The following PDE4D variants were observed in gnomAD, a reference collection of about 807,000 sequenced individuals.
PDE4D encodes the protein 3',5'-cyclic-AMP phosphodiesterase 4D.
Under a neutral mutation model 87.4 loss-of-function variants are expected in PDE4D, and 24 were observed. The ratio of observed to expected loss-of-function variants is 0.27; its 90% CI spans 0.20 to 0.39. The LOEUF (loss-of-function observed/expected upper bound fraction) is 0.39. PDE4D is among the 10% of genes least tolerant of loss of function. The pLI is 1.00. For synonymous variants in PDE4D, 384 were observed against 383.2 expected, an observed-to-expected ratio of 1.00 and a Z score of -0.02; for missense variants, 714 against 1,041.0, an observed-to-expected ratio of 0.69 and a Z score of 4.32.
intron 1 of PDE4D, among the ~76,000 whole-genome samples, chr5:60,370,552 T>A (rs1040876584): frequency 6.6e-6 from 1 of 152,222 alleles, no homozygotes; most frequent in African/African-American, 2.4e-5. Context: ...AATGCAAACC[T>A]GACCTTAATT....
rs1205337416 is a variant in PDE4D, at chr5:59,571,486, G to T, written c.455+321682C>A. Among the ~76,000 whole-genome samples the T allele has an allele frequency of 2.0e-5, 3 of 152,218 alleles. No homozygotes were observed. In the East Asian group the frequency reaches 5.8e-4, roughly 29 times the overall value. ...GAATGAAGATAGATTTTGGGGAGAG[G>T]TGGGGGAAAGTGGCCACAATCTTCA... On this transcript the variant is annotated intron_variant, in intron 1 of 14. Coordinates refer to ENST00000340635, the MANE Select transcript of PDE4D (RefSeq NM_001104631.2).
At chr5:60,092,914 G>A in intron 2 of PDE4D, among the ~76,000 whole-genome samples, 1 of 152,064 alleles carries the variant, frequency 6.6e-6, no homozygotes, top group Non-Finnish European at 1.5e-5. Context: ...ACTGCATCGG[G>A]GTGAGCCTAG....
chr5:60,012,854 C>T (rs1298490517), intron 2 of PDE4D, among the ~76,000 whole-genome samples: 1 of 152,146 alleles, frequency 6.6e-6, no homozygotes, highest in Non-Finnish European at 1.5e-5. Flanking sequence ...TTGCTGCCAT[C>T]GTATTCTAAC....
chr5:60,337,352 T>G (rs146575532), intron 1 of PDE4D, among the ~76,000 whole-genome samples: 1 of 28,140 alleles, frequency 3.6e-5, no homozygotes, highest in African/African-American at 9.5e-5. Context: ...ACAAACAAAC[T>G]ATATATATAT....
intron 1 of PDE4D, among the ~76,000 whole-genome samples, chr5:59,625,362 G>T (rs1830780490): frequency 6.6e-6 from 1 of 152,116 alleles, no homozygotes; most frequent in South Asian, 2.1e-4. Context: ...TCCAACAGTG[G>T]CAGTAATGAT....
intron 1 of PDE4D, among the ~76,000 whole-genome samples, chr5:59,498,864 C>G (rs1807717807): frequency 6.6e-6 from 1 of 151,940 alleles, no homozygotes; most frequent in African/African-American, 2.4e-5. Context: ...AAGCAATAGA[C>G]AGGCAAAAAA....
chr5:60,235,184 T>A (rs1231733825), intron 1 of PDE4D, among the ~76,000 whole-genome samples: 1 of 151,926 alleles, frequency 6.6e-6, no homozygotes, highest in Non-Finnish European at 1.5e-5. Flanking sequence ...CTTAGAGGGT[T>A]AAACTCCTAT....
intron 1 of PDE4D, among the ~76,000 whole-genome samples, chr5:60,296,275 C>T (rs964308490): frequency 1.5e-4 from 23 of 152,170 alleles, no homozygotes; most frequent in African/African-American, 5.3e-4. Flanking sequence ...ACTGCAATAG[C>T]ACCCTGGGGA....
At chr5:59,390,362 C>G (rs1787994590) in intron 1 of PDE4D, among the ~76,000 whole-genome samples, 1 of 152,076 alleles carries the variant, frequency 6.6e-6, no homozygotes, top group African/African-American at 2.4e-5. Flanking sequence ...TTCTTCACTA[C>G]TGTTTGATTT....
At chr5:60,489,262 A>G (rs2150232471), upstream of PDE4D, among the ~76,000 whole-genome samples, 1 of 152,344 alleles carries the variant, frequency 6.6e-6, no homozygotes, top group African/African-American at 2.4e-5. Flanking sequence ...CAACGAAGAA[A>G]AACTTTGGCA....
At chr5:59,191,151 A>G (rs1366726052) in intron 3 of PDE4D, among the ~76,000 whole-genome samples, 3 of 152,170 alleles carry the variant, frequency 2.0e-5, no homozygotes, top group East Asian at 3.9e-4. Context: ...TAAATTACAT[A>G]TATGTGTGTA....
rs1751008502 is a variant in PDE4D, at chr5:60,273,298, C to A, written c.-89-87611G>T. On this transcript the variant is annotated intron_variant, in intron 1 of 16. Transcript: ENST00000502484. The stretch of plus-strand genomic sequence containing the variant: ...AGGCAAATGGGAGAATGGAAAGACA[C>A]TCCAAGCAGAGGCATCACCTCTTCA... 2.0e-5 allele frequency among the ~76,000 whole-genome samples: 3 copies of A among 152,200 alleles called. No homozygotes were observed. The South Asian group carries it at 6.2e-4, about 32-fold the overall frequency.
intron 1 of PDE4D, among the ~76,000 whole-genome samples, chr5:59,865,781 T>C (rs1453458794): frequency 6.6e-6 from 1 of 152,236 alleles, no homozygotes; most frequent in East Asian, 1.9e-4. Context: ...TTCATGTACA[T>C]TATTTTAATC....
At chr5:59,025,024 CA>C (rs35260023) in intron 6 of PDE4D, among the ~76,000 whole-genome samples, 15,648 of 141,726 alleles carry the variant, frequency 0.11, 1,037 homozygotes, top group South Asian at 0.14. Context: ...CCAAAGTGGT[CA>C]AAAAAAAAAA....
intron 1 of PDE4D, among the ~76,000 whole-genome samples, chr5:60,459,075 G>A (rs1430675412): frequency 6.6e-6 from 1 of 152,018 alleles, no homozygotes; most frequent in Non-Finnish European, 1.5e-5. Flanking sequence ...GTTTAAAACT[G>A]AGCATCATCT....
At chr5:59,373,582 A>T (rs1784278156) in intron 1 of PDE4D, among the ~76,000 whole-genome samples, 1 of 152,216 alleles carries the variant, frequency 6.6e-6, no homozygotes, top group African/African-American at 2.4e-5. Flanking sequence ...ATACATGAGG[A>T]GAATGAAGCC....
In PDE4D at chr5:59,633,049, G is replaced by A. The variant is rs1219412956; in HGVS notation, c.455+260119C>T. 3.4e-4 allele frequency among the ~76,000 whole-genome samples: 52 copies of A among 152,120 alleles called. 1 individual carries two copies. The highest frequency in any genetic ancestry group is 3.4e-3 in the Admixed American group (52 of 15,268). ...GTTTAGAGAAGAACATAAATAACCT[G>A]ATGGAGTTGAAAAAACACAGCACGA... On this transcript the variant is annotated intron_variant, in intron 1 of 14. Coordinates refer to ENST00000340635, the MANE Select transcript of PDE4D (RefSeq NM_001104631.2).
At chr5:60,086,816 G>C (rs1294521574) in intron 2 of PDE4D, among the ~76,000 whole-genome samples, 1 of 152,234 alleles carries the variant, frequency 6.6e-6, no homozygotes, top group African/African-American at 2.4e-5. Flanking sequence ...ACAAGGCACA[G>C]GACATTAATC....
chr5:59,681,650 C>T (rs1429535959), intron 1 of PDE4D, among the ~76,000 whole-genome samples: 1 of 151,972 alleles, frequency 6.6e-6, no homozygotes, highest in Non-Finnish European at 1.5e-5. Flanking sequence ...CCTGTAATCC[C>T]AGCACTTTGG....
Sources: gnomAD v4.1 joint callset for allele counts (sites outside exome capture counted in the v4.1 genomes callset) on GRCh38, gnomAD v4.1.1 for gene constraint, MANE v1.5 for transcripts, NCBI Gene and HGNC (gene_info 2026-07-23, HGNC 2026-07-21) for gene names.